KAT6A: variants seen among roughly 807,000 people sequenced by gnomAD.
KAT6A encodes lysine acetyltransferase 6A, also known as histone acetyltransferase KAT6A.
Under a neutral mutation model 198.4 loss-of-function variants are expected in KAT6A, and 9 were observed. The ratio of observed to expected loss-of-function variants is 0.05; its 90% confidence interval spans 0.03 to 0.08. The LOEUF (loss-of-function observed/expected upper bound fraction) is 0.08. KAT6A is among the 10% of genes least tolerant of loss of function. KAT6A has a pLI of 1.00. For synonymous variants in KAT6A, 890 were observed against 883.0 expected, an observed-to-expected ratio of 1.01 and a Z score of -0.14; for missense variants, 2,077 against 2,509.9, an observed-to-expected ratio of 0.83 and a Z score of 3.69.
intron 2 of KAT6A, among the ~76,000 whole-genome samples, chr8:41,988,433 C>T (rs954987615): frequency 1.3e-4 from 20 of 152,124 alleles, no homozygotes; most frequent in African/African-American, 4.1e-4. Flanking sequence ...AGCTTTAAAA[C>T]GAAAATAAAT....
intron 1 of KAT6A, chr8:42,049,582 GGGTGATGGC>G (rs1802497100): frequency 6.5e-6 from 1 of 153,434 alleles, no homozygotes; most frequent in South Asian, 2.1e-4. Context: ...TAACCAGAGT[GGGTGATGGC>G]TATTCTGTAC....
chr8:42,026,754 T>C (rs1283016938), intron 2 of KAT6A, among the ~76,000 whole-genome samples: 2 of 152,186 alleles, frequency 1.3e-5, no homozygotes, highest in East Asian at 1.9e-4. Context: ...GATGCCTTTT[T>C]TTTCTTTCTC....
intron 15 of KAT6A, among the ~76,000 whole-genome samples, chr8:41,937,801 C>G (rs1821928328): frequency 6.6e-6 from 1 of 152,248 alleles, no homozygotes; most frequent in Non-Finnish European, 1.5e-5. Flanking sequence ...GCAGCCATCT[C>G]CAAATAGCAG....
At position 42,043,588 on chromosome 8, in the gene KAT6A, A is replaced by C. The variant is rs1188376006; in HGVS notation, c.600+4790T>G. The C allele has an allele frequency of 3.3e-5, 5 of 152,346 alleles. No homozygotes were observed. The South Asian group carries it at 1.0e-3, about 32-fold the overall frequency. The allele number at this position is 152,346 out of a possible 1,614,324, so 9.4% of individuals were successfully genotyped here. ...TATCACTGGTCCAAAGTGAATTTTC[A>C]AATCTGTTCTGCAAAAAAAGAAAAA... On this transcript the variant is annotated intron_variant, in intron 2 of 16. Transcript: ENST00000265713.
intron 2 of KAT6A, among the ~76,000 whole-genome samples, chr8:42,024,642 G>C (rs1826707427): frequency 6.6e-6 from 1 of 151,854 alleles, no homozygotes; most frequent in Admixed American, 6.6e-5. Flanking sequence ...ACCTCCATGA[G>C]TCAACTGTTT....
intron 12 of KAT6A, 34 bp from the exon 13 acceptor site, chr8:41,944,013 G>A (rs1204493277): frequency 6.8e-7 from 1 of 1,464,208 alleles, no homozygotes; most frequent in Non-Finnish European, 9.5e-7. Context: ...ATCAGAACTA[G>A]GTCAGCAACT....
rs1257166230 is a variant in KAT6A at position 41,934,720 on chromosome 8, G to A, written c.3500C>T (p.Pro1167Leu). The A allele has an allele frequency of 2.5e-6, 4 of 1,614,064 alleles. No individual in the cohort carries two copies. The highest frequency in any genetic ancestry group is 3.4e-6 in the Non-Finnish European group (4 of 1,180,044). ...CAACTTAAATCCTGGTTTTCGACCA[G>A]GTCTTTTCTTCCAGTGGATTGGTTT... The part of the protein sequence containing the change: ...SRKPIHWKKR[P>L]GRKPGFKLSR... Residue 1167 changes from proline (P) to leucine (L), a missense_variant, in exon 17 of 17, where the codon CCT becomes CTT. Physicochemically the swap from Pro to Leu is moderately conservative, Grantham distance 98. Around this residue, in one of 13 missense-constraint regions of KAT6A, gnomAD observed 375 missense variants for 383.0 expected, o/e 0.98. Coordinates refer to ENST00000265713, the MANE Select transcript of KAT6A (RefSeq NM_006766.5).
intron 3 of KAT6A, 150 bp downstream of exon 3, chr8:41,987,305 A>G: frequency 1.7e-6 from 1 of 599,890 alleles, no homozygotes; most frequent in South Asian, 2.0e-5. Context: ...AAACCTTCTA[A>G]AGACATGTTT....
At chr8:41,936,678 A>C (rs188634988) in intron 16 of KAT6A, among the ~76,000 whole-genome samples, 1 of 152,238 alleles carries the variant, frequency 6.6e-6, no homozygotes, top group African/African-American at 2.4e-5. Flanking sequence ...ATTTATTTTG[A>C]GTTATTGTTA....
intron 2 of KAT6A, among the ~76,000 whole-genome samples, chr8:42,021,653 A>G (rs1587834991): frequency 6.6e-6 from 1 of 152,198 alleles, no homozygotes; most frequent in Admixed American, 6.5e-5. Context: ...ACTTTAGACC[A>G]GGCACAGTGG....
intron 2 of KAT6A, among the ~76,000 whole-genome samples, chr8:41,992,030 A>G (rs1055362831): frequency 2.0e-5 from 3 of 152,010 alleles, no homozygotes; most frequent in Non-Finnish European, 1.5e-5. Context: ...GCAAAACCCC[A>G]TCTCTACAAA....
chr8:42,008,038 G>T (rs1825836916), intron 2 of KAT6A, among the ~76,000 whole-genome samples: 1 of 149,204 alleles, frequency 6.7e-6, no homozygotes, highest in African/African-American at 2.5e-5. Flanking sequence ...ATTCCATATA[G>T]TCAGTATCTC....
intron 8 of KAT6A, among the ~76,000 whole-genome samples, chr8:41,972,686 G>T (rs76010550): frequency 1.3e-5 from 2 of 152,152 alleles, no homozygotes; most frequent in African/African-American, 4.8e-5. Context: ...CTAGAGAGAC[G>T]TGACAACTAA....
rs777976668 is a variant in KAT6A, at chr8:41,946,698, C to T, written c.1903-14G>A. On this transcript the variant is annotated splice_polypyrimidine_tract_variant and intron_variant, in intron 11 of 16. Coordinates refer to ENST00000265713, the MANE Select transcript of KAT6A (RefSeq NM_006766.5). Reference sequence around the variant, plus strand: ...GCAGTGCTTTTCCTGGTGGAGAAAACACAAGTCAAGTTTGAAAACAGGCTG... The same window carrying T: ...GCAGTGCTTTTCCTGGTGGAGAAAATACAAGTCAAGTTTGAAAACAGGCTG... The T allele has an allele frequency of 1.3e-6, 2 of 1,493,048 alleles. No individual in the cohort carries two copies. The highest frequency in any genetic ancestry group is 2.3e-5 in the South Asian group (2 of 88,542). The allele number at this position is 1,493,048 out of a possible 1,614,324, so 92.5% of individuals were successfully genotyped here.
intron 8 of KAT6A, chr8:41,958,076 T>C (rs1823016050): frequency 6.6e-6 from 1 of 152,178 alleles, no homozygotes; most frequent in Non-Finnish European, 1.5e-5. Flanking sequence ...AGGCTGGGAA[T>C]GTGGGGAGAA....
rs1822106568 is a variant in KAT6A, at chr8:41,941,180, C to G, written c.2701G>C (p.Glu901Gln). Residue 901 changes from glutamate (E) to glutamine (Q), a missense_variant, in exon 15 of 17, where the codon GAA becomes CAA. By Grantham distance (29) the Glu-to-Gln change is conservative. Coordinates refer to ENST00000265713, the MANE Select transcript of KAT6A (RefSeq NM_006766.5). Reference protein sequence around the residue: ...TSSAPQEQYGECGEKSEATQE... With the variant: ...TSSAPQEQYGQCGEKSEATQE... ...GTGGCTTCTGATTTCTCCCCACATTCTCCATATTGTTCCTGAGGAGCTGAA... is the reference window on the plus strand; with the variant it reads ...GTGGCTTCTGATTTCTCCCCACATTGTCCATATTGTTCCTGAGGAGCTGAA... 3 of 1,614,052 alleles carry G rather than the reference C, an allele frequency of 1.9e-6. No individual in the cohort carries two copies. The highest frequency in any genetic ancestry group is 2.5e-6 in the Non-Finnish European group (3 of 1,180,034).
intron 2 of KAT6A, among the ~76,000 whole-genome samples, chr8:42,005,435 G>T (rs987119701): frequency 6.6e-6 from 1 of 152,184 alleles, no homozygotes; most frequent in African/African-American, 2.4e-5. Flanking sequence ...TAAGGGTGGA[G>T]AACATAGTGA....
At chr8:41,948,556 T>A (rs913245027) in intron 10 of KAT6A, among the ~76,000 whole-genome samples, 1 of 152,164 alleles carries the variant, frequency 6.6e-6, no homozygotes, top group Non-Finnish European at 1.5e-5. Flanking sequence ...GAGCTTTCTA[T>A]CAAAACGCCA....
chr8:42,013,283 G>T (rs1338081083), intron 2 of KAT6A, among the ~76,000 whole-genome samples: 2 of 146,984 alleles, frequency 1.4e-5, no homozygotes, highest in African/African-American at 5.1e-5. Context: ...TTTAGATGGA[G>T]TCTCGCTCTG....
Sources: allele counts gnomAD v4.1 joint callset (sites outside exome capture counted in the v4.1 genomes callset), GRCh38; gene constraint gnomAD v4.1.1; regional missense constraint gnomAD v4.1.1; transcripts MANE v1.5; gene names NCBI Gene and HGNC (gene_info 2026-07-23, HGNC 2026-07-21).